Variants in RDH11 observed in about 807,000 individuals in gnomAD.
The protein encoded by RDH11 is HCV core-binding protein HCBP12.
Under a neutral mutation model 33.4 loss-of-function variants are expected in RDH11, and 19 were observed. That is an observed-to-expected ratio of 0.57 (90% CI 0.40 to 0.83). The LOEUF is 0.83. Ranked by LOEUF, RDH11 falls within the 40% of genes least tolerant of loss-of-function variation. The pLI is 0.00. For missense variants in RDH11, 353 were observed against 389.0 expected, an observed-to-expected ratio of 0.91 and a Z score of 0.78; for synonymous variants, 154 against 155.3, an observed-to-expected ratio of 0.99 and a Z score of 0.06.
At chr14:67,681,896 T>C (rs996821928) in intron 6 of RDH11, among the ~76,000 whole-genome samples, 4 of 152,212 alleles carry the variant, frequency 2.6e-5, no homozygotes, top group South Asian at 2.1e-4. Context: ...AAAAATCACA[T>C]GTTGGAAACT....
chr14:67,695,582 C>T (rs762854577), intron 1 of RDH11, 48 bp downstream of exon 1: 1 of 1,557,564 alleles, frequency 6.4e-7, no homozygotes, highest in African/African-American at 1.4e-5. Flanking sequence ...GTTTCCCTCC[C>T]GCCCCGCAAC....
rs1003149614 is a variant in RDH11 at position 67,677,262 on chromosome 14, A to G, written c.*1059T>C. 3 of 152,056 alleles carry G rather than the reference A, an allele frequency of 2.0e-5. No individual in the cohort carries two copies. The highest frequency in any genetic ancestry group is 4.4e-5 in the Non-Finnish European group (3 of 68,012). The allele number at this position is 152,056 out of a possible 1,614,324, so 9.4% of individuals were successfully genotyped here. A position where few individuals can be genotyped will look rare whatever the true frequency, so the allele number is the denominator to read the frequency against. ...AATCTTGTCAAGACAATGTAAGGAA[A>G]TGCCCCAAAATATTATTAAATTGAC... On this transcript the variant is annotated 3_prime_UTR_variant, in exon 7 of 7. Coordinates refer to ENST00000381346, the MANE Select transcript of RDH11 (RefSeq NM_016026.4).
chr14:67,693,386 CAGA>C (rs1187937169), intron 1 of RDH11, among the ~76,000 whole-genome samples: 3 of 152,148 alleles, frequency 2.0e-5, no homozygotes, highest in African/African-American at 7.2e-5. Flanking sequence ...AGATTCAGCC[CAGA>C]AGAAGAAATA....
Position 67,678,030 on chromosome 14 carries a change from G to A in RDH11, c.*291C>T, listed in dbSNP as rs754415535. The A allele has an allele frequency of 5.1e-5, 12 of 237,386 alleles. No homozygotes were observed. The highest frequency in any genetic ancestry group is 8.3e-5 in the Non-Finnish European group (10 of 121,206). The allele number at this position is 237,386 out of a possible 1,614,324, so 14.7% of individuals were successfully genotyped here. On this transcript the variant is annotated 3_prime_UTR_variant, in exon 7 of 7. Transcript: ENST00000381346. ...ATAGCTTAGATTCTCCTAGGTAGTAGTTTCTTTCAGAAGGAAAATGAGCTG... is the reference window on the plus strand; with the variant it reads ...ATAGCTTAGATTCTCCTAGGTAGTAATTTCTTTCAGAAGGAAAATGAGCTG...
chr14:67,676,870 GA>G lies in RDH11; in HGVS notation c.*1450del, dbSNP rs2037546595. 1 of 152,054 alleles carries G rather than the reference GA, an allele frequency of 6.6e-6. No homozygotes were observed. The highest frequency in any genetic ancestry group is 6.5e-5 in the Admixed American group (1 of 15,278). 9.4% of individuals were successfully genotyped at this position (152,054 alleles called of 1,614,324 possible). A position where few individuals can be genotyped will look rare whatever the true frequency, so the allele number is the denominator to read the frequency against. The stretch of plus-strand genomic sequence containing the variant: ...AATGAAAACAAAAAATAATCAAAAA[GA>G]ATTTTTATTTGTCATTGACAGTTCA... On this transcript the variant is annotated 3_prime_UTR_variant, in exon 7 of 7. Transcript: ENST00000381346.
chr14:67,679,259 T>A (rs1342414779), intron 6 of RDH11, among the ~76,000 whole-genome samples: 1 of 152,204 alleles, frequency 6.6e-6, no homozygotes, highest in East Asian at 1.9e-4. Flanking sequence ...GCTGCCCTTG[T>A]GACCTAATTT....
chr14:67,686,711 G>A (rs1439209502), intron 5 of RDH11, among the ~76,000 whole-genome samples: 1 of 151,118 alleles, frequency 6.6e-6, no homozygotes, highest in Non-Finnish European at 1.5e-5. Context: ...TGCTATTTCA[G>A]GCCCCCAATC....
intron 3 of RDH11, 126 bp downstream of exon 3, chr14:67,692,312 G>T: frequency 1.1e-6 from 1 of 931,376 alleles, no homozygotes; most frequent in Non-Finnish European, 1.6e-6. Context: ...TATGAGTTCA[G>T]CTACAGAAGT....
In RDH11 at chr14:67,677,363, A is replaced by ATTTTTTTTTTT. The variant is rs71129846; in HGVS notation, c.*947_*957dup. ...TTTTTTTTGTTTGTTTGTTTTTAGGATTTTTTTTTTTTTTTTTTTTTTTTT... is the reference window on the plus strand; with the variant it reads ...TTTTTTTTGTTTGTTTGTTTTTAGGATTTTTTTTTTTTTTTTTTTTTTTTTTTTTTTTTTTT... On this transcript the variant is annotated 3_prime_UTR_variant, in exon 7 of 7. Transcript: ENST00000381346. 13 of 31,978 alleles carry ATTTTTTTTTTT rather than the reference A, an allele frequency of 4.1e-4. 2 individuals carry two copies. The highest frequency in any genetic ancestry group is 8.2e-4 in the African/African-American group (6 of 7,352). 2.0% of individuals were successfully genotyped at this position (31,978 alleles called of 1,614,324 possible). A position where few individuals can be genotyped will look rare whatever the true frequency, so the allele number is the denominator to read the frequency against.
chr14:67,687,857 T>C (rs2140071489), intron 5 of RDH11, among the ~76,000 whole-genome samples: 1 of 151,106 alleles, frequency 6.6e-6, no homozygotes, highest in East Asian at 2.0e-4. Context: ...CACTGCAAAC[T>C]CTGTCCCAGG....
chr14:67,686,910 G>C (rs1194639525), intron 5 of RDH11, among the ~76,000 whole-genome samples: 6 of 152,170 alleles, frequency 3.9e-5, no homozygotes, highest in Non-Finnish European at 8.8e-5. Context: ...TGGACTGACA[G>C]CTGCAGACAC....
chr14:67,680,649 G>C (rs1016164970), intron 6 of RDH11, among the ~76,000 whole-genome samples: 1 of 152,082 alleles, frequency 6.6e-6, no homozygotes. Flanking sequence ...TATAGAGATG[G>C]GGTCTCATTA....
Position 67,685,213 on chromosome 14 carries a change from G to A in RDH11, c.665-9C>T, listed in dbSNP as rs780710260. ...CGTCGTAACGCCAGAGCCTGGTTGG[G>A]GGTGGCATGAAGAGAGGGTAAGACA... On this transcript the variant is annotated splice_polypyrimidine_tract_variant and intron_variant, in intron 5 of 6. Transcript: ENST00000381346. The A allele has an allele frequency of 8.1e-6, 13 of 1,607,166 alleles. No individual in the cohort carries two copies. The highest frequency in any genetic ancestry group is 3.4e-5 in the Admixed American group (2 of 59,076).
Position 67,678,354 on chromosome 14 carries a change from G to C in RDH11, c.924C>G (p.Val308=). ...TTGGGAGGCCCAGCAGGTCACAACT[G>C]ACGTCCCACAGCCGCCTTGCTATAG... ...NETIARRLWD[V]SCDLLGLPID The change falls in exon 7 of 7, where the codon GTC becomes GTG. Residue 308 remains valine (V), a synonymous_variant. Transcript: ENST00000381346. 6.2e-7 allele frequency: 1 copy of C among 1,614,064 alleles called. No homozygotes were observed.
intron 5 of RDH11, among the ~76,000 whole-genome samples, chr14:67,688,914 G>A (rs920700740): frequency 6.6e-6 from 1 of 152,098 alleles, no homozygotes; most frequent in African/African-American, 2.4e-5. Context: ...CCCAGTGCAC[G>A]GAACAACATG....
At chr14:67,687,263 C>T (rs2037689555) in intron 5 of RDH11, among the ~76,000 whole-genome samples, 1 of 152,120 alleles carries the variant, frequency 6.6e-6, no homozygotes, top group African/African-American at 2.4e-5. Context: ...AACCGTTTCC[C>T]ATTGCTCTTA....
intron 1 of RDH11, among the ~76,000 whole-genome samples, chr14:67,695,152 T>C (rs999685758): frequency 1.3e-5 from 2 of 152,172 alleles, no homozygotes; most frequent in African/African-American, 2.4e-5. Flanking sequence ...GAACAAGCGA[T>C]TGTAACAGCA....
chr14:67,678,219 CTT>C lies in RDH11; in HGVS notation c.*100_*101del, dbSNP rs1044673698. ...AGGCAAGGCTGGAAGGTTTTGCTCT[CTT>C]TGTGCTAAAGGTTTTGAAAACCTTG... is the stretch of plus-strand genomic sequence containing the variant. On this transcript the variant is annotated 3_prime_UTR_variant, in exon 7 of 7. Transcript: ENST00000381346. 1.0e-5 allele frequency: 8 copies of C among 793,732 alleles called. No individual in the cohort carries two copies. Among genetic ancestry groups the C allele is most frequent in the Non-Finnish European group, 1.1e-5 (5 of 466,956 alleles). 49.2% of individuals were successfully genotyped at this position (793,732 alleles called of 1,614,324 possible).
intron 6 of RDH11, among the ~76,000 whole-genome samples, chr14:67,682,389 A>G (rs1222819577): frequency 6.6e-6 from 1 of 152,226 alleles, no homozygotes; most frequent in East Asian, 1.9e-4. Context: ...CTAGACTATT[A>G]AGAACTCTTG....
Sources: allele counts gnomAD v4.1 joint callset (sites outside exome capture counted in the v4.1 genomes callset), GRCh38; gene constraint gnomAD v4.1.1; transcripts MANE v1.5; gene names NCBI Gene and HGNC (gene_info 2026-07-23, HGNC 2026-07-21).